PRKG1: variants seen among roughly 807,000 people sequenced by gnomAD.
PRKG1 encodes protein kinase cGMP-dependent 1.
Under a neutral mutation model 88.1 loss-of-function variants are expected in PRKG1, and 35 were observed. That is an observed-to-expected ratio of 0.40 (90% CI 0.30 to 0.53). The LOEUF (loss-of-function observed/expected upper bound fraction) is 0.53. PRKG1 is among the 20% of genes least tolerant of loss of function. The pLI, the probability that PRKG1 is intolerant of heterozygous loss-of-function variation, is 0.59. For missense variants in PRKG1, 540 were observed against 839.8 expected, an observed-to-expected ratio of 0.64 and a Z score of 4.41; for synonymous variants, 303 against 292.5, an observed-to-expected ratio of 1.04 and a Z score of -0.37.
At chr10:51,409,632 A>G (rs1838021375) in intron 2 of PRKG1, among the ~76,000 whole-genome samples, 1 of 151,934 alleles carries the variant, frequency 6.6e-6, no homozygotes, top group African/African-American at 2.4e-5. Context: ...AGGAGGGTGG[A>G]TCATGAGGTC....
intron 5 of PRKG1, among the ~76,000 whole-genome samples, chr10:52,013,861 T>C (rs1364124769): frequency 6.6e-6 from 1 of 152,202 alleles, no homozygotes; most frequent in Non-Finnish European, 1.5e-5. Context: ...CTTTCCTCTT[T>C]ACTCACCTCT....
intron 2 of PRKG1, among the ~76,000 whole-genome samples, chr10:51,389,066 C>T (rs1056779595): frequency 1.2e-4 from 19 of 152,206 alleles, no homozygotes; most frequent in African/African-American, 4.6e-4. Flanking sequence ...ACTGACCAGG[C>T]GTATAACTTG....
chr10:51,138,774 C>A (rs1845754973), intron 1 of PRKG1, among the ~76,000 whole-genome samples: 1 of 146,424 alleles, frequency 6.8e-6, no homozygotes, highest in African/African-American at 2.5e-5. Context: ...CCTCTGCCTC[C>A]CAGGTTCAAA....
chr10:51,424,335 G>A (rs1179662489), intron 2 of PRKG1, among the ~76,000 whole-genome samples: 2 of 151,818 alleles, frequency 1.3e-5, no homozygotes, highest in African/African-American at 4.8e-5. Context: ...TTTATCTTAT[G>A]AATTACAGAT....
chr10:51,251,655 A>G (rs1839431786), intron 2 of PRKG1, among the ~76,000 whole-genome samples: 1 of 151,830 alleles, frequency 6.6e-6, no homozygotes, highest in Non-Finnish European at 1.5e-5. Flanking sequence ...TTTTTACCCC[A>G]TAAAGTTCTT....
At chr10:52,286,785 C>A (rs1302071504) in intron 14 of PRKG1, among the ~76,000 whole-genome samples, 1 of 151,558 alleles carries the variant, frequency 6.6e-6, no homozygotes, top group Admixed American at 6.6e-5. Flanking sequence ...GGTTAAGAAG[C>A]ACACATATCT....
At chr10:51,755,177 A>G (rs1357694951) in intron 3 of PRKG1, among the ~76,000 whole-genome samples, 5 of 152,184 alleles carry the variant, frequency 3.3e-5, no homozygotes, top group Admixed American at 3.3e-4. Context: ...TGAAATTTCC[A>G]GCCAATTAGA....
At chr10:51,888,321 T>C (rs894165540) in intron 4 of PRKG1, among the ~76,000 whole-genome samples, 2 of 152,228 alleles carry the variant, frequency 1.3e-5, no homozygotes, top group African/African-American at 4.8e-5. Context: ...AAGAGCATAT[T>C]GGCATCTCTT....
At chr10:51,945,621 T>C (rs4285825) in intron 5 of PRKG1, among the ~76,000 whole-genome samples, 3 of 151,752 alleles carry the variant, frequency 2.0e-5, no homozygotes, top group Admixed American at 2.0e-4. Context: ...GTTTAGTGCT[T>C]CCTTCAGGAG....
intron 3 of PRKG1, among the ~76,000 whole-genome samples, chr10:51,554,929 G>T (rs555154953): frequency 6.6e-6 from 1 of 151,922 alleles, no homozygotes; most frequent in East Asian, 1.9e-4. Flanking sequence ...TAAGGGCAGT[G>T]TAAAAGTTCC....
At chr10:51,828,289 T>C (rs1839925038) in intron 4 of PRKG1, among the ~76,000 whole-genome samples, 1 of 152,072 alleles carries the variant, frequency 6.6e-6, no homozygotes, top group Non-Finnish European at 1.5e-5. Flanking sequence ...AACAGGAAAG[T>C]ATATTTCATA....
intron 1 of PRKG1, among the ~76,000 whole-genome samples, chr10:51,096,734 G>T (rs531546253): frequency 2.0e-5 from 3 of 152,270 alleles, no homozygotes; most frequent in African/African-American, 7.2e-5. Flanking sequence ...AATTACACAA[G>T]ATTATATGTG....
intron 3 of PRKG1, among the ~76,000 whole-genome samples, chr10:51,550,875 A>T (rs1241005740): frequency 1.3e-5 from 2 of 151,954 alleles, no homozygotes; most frequent in African/African-American, 4.8e-5. Flanking sequence ...AAATTTTGTT[A>T]CTATTTTCCA....
chr10:51,685,886 C>T (rs186025304), intron 3 of PRKG1, among the ~76,000 whole-genome samples: 14 of 152,218 alleles, frequency 9.2e-5, no homozygotes, highest in African/African-American at 3.4e-4. Context: ...TGCCTCCTCT[C>T]TTCTTTGAAG....
intron 1 of PRKG1, among the ~76,000 whole-genome samples, chr10:51,006,923 G>GGAA (rs1301360854): frequency 2.7e-5 from 4 of 147,484 alleles, no homozygotes; most frequent in Middle Eastern, 6.8e-3. Context: ...GTAGGTCTGG[G>GGAA]GAAGGGCCTG....
intron 3 of PRKG1, among the ~76,000 whole-genome samples, chr10:51,679,232 C>T (rs1385189586): frequency 6.6e-6 from 1 of 152,190 alleles, no homozygotes; most frequent in East Asian, 1.9e-4. Flanking sequence ...AGTAGTCTCG[C>T]AAAAGGACCT....
chr10:51,030,741 A>T (rs1488130835), intron 1 of PRKG1, among the ~76,000 whole-genome samples: 2 of 152,058 alleles, frequency 1.3e-5, no homozygotes, highest in Admixed American at 1.3e-4. Flanking sequence ...AAAGAGCCTG[A>T]AAAACCCCCC....
chr10:51,942,144 C>A (rs1842922969), intron 5 of PRKG1, among the ~76,000 whole-genome samples: 1 of 151,868 alleles, frequency 6.6e-6, no homozygotes, highest in African/African-American at 2.4e-5. Context: ...GATTGCCATT[C>A]TAACTGGTGT....
intron 7 of PRKG1, among the ~76,000 whole-genome samples, chr10:52,075,662 C>T (rs924180227): frequency 6.6e-6 from 1 of 152,176 alleles, no homozygotes; most frequent in Admixed American, 6.5e-5. Context: ...GATTAGGTGG[C>T]TTAACCAACA....
Sources: gnomAD v4.1 joint callset for allele counts (sites outside exome capture counted in the v4.1 genomes callset) on GRCh38, gnomAD v4.1.1 for gene constraint, MANE v1.5 for transcripts, NCBI Gene and HGNC (gene_info 2026-07-23, HGNC 2026-07-21) for gene names.